The following LY96 variants were observed in gnomAD, a reference collection of about 807,000 sequenced individuals.
LY96 encodes the protein myeloid differentiation protein-2.
In LY96, 18 loss-of-function variants were observed where a neutral mutation model predicts 18.9. The observed-to-expected ratio is 0.95, with a 90% CI of 0.66 to 1.41. The LOEUF (loss-of-function observed/expected upper bound fraction) is 1.41, where lower values mean the gene tolerates loss of function less well. LY96 is among the 40% of genes most tolerant of loss of function. LY96 has a pLI of 0.00. For synonymous variants in LY96, 66 were observed against 62.6 expected (o/e 1.06, Z -0.26); for missense variants, 175 against 182.4 (o/e 0.96, Z 0.23).
chr8:74,069,102 T>C, the LY96 span, among the ~76,000 whole-genome samples: 1 of 152,208 alleles, frequency 6.6e-6, no homozygotes, highest in South Asian at 2.1e-4. Flanking sequence ...TTAATAATCT[T>C]TAGATATTAT....
chr8:74,008,176 C>T (rs994271020), intron 2 of LY96, among the ~76,000 whole-genome samples: 1 of 152,172 alleles, frequency 6.6e-6, no homozygotes, highest in Non-Finnish European at 1.5e-5. Flanking sequence ...CAGTGGTGTC[C>T]AAGGACAAGG....
chr8:74,007,997 A>G (rs1816449932), intron 2 of LY96, among the ~76,000 whole-genome samples: 1 of 152,156 alleles, frequency 6.6e-6, no homozygotes, highest in Admixed American at 6.5e-5. Flanking sequence ...TGACCTCAGG[A>G]GATCTGCCCG....
intron 3 of LY96, among the ~76,000 whole-genome samples, chr8:74,021,717 T>TA (rs1345156500): frequency 1.8e-4 from 27 of 152,286 alleles, no homozygotes; most frequent in African/African-American, 6.3e-4. Flanking sequence ...GTGGCACATA[T>TA]ACACCATGGA....
the LY96 span, among the ~76,000 whole-genome samples, chr8:74,062,838 A>T: frequency 6.6e-6 from 1 of 152,184 alleles, no homozygotes; most frequent in African/African-American, 2.4e-5. Context: ...TTGAAGCTAG[A>T]ATTTGAATTT....
chr8:74,006,424 C>G (rs780669663), intron 2 of LY96, among the ~76,000 whole-genome samples: 3 of 152,174 alleles, frequency 2.0e-5, no homozygotes, highest in Non-Finnish European at 2.9e-5. Context: ...TCTTGAACTC[C>G]TAACCTCAAG....
chr8:74,002,921 C>T (rs1207870606), intron 1 of LY96, among the ~76,000 whole-genome samples: 1 of 152,164 alleles, frequency 6.6e-6, no homozygotes, highest in Non-Finnish European at 1.5e-5. Flanking sequence ...TTTCTTTCTT[C>T]TTGTTGAAAT....
the LY96 span, among the ~76,000 whole-genome samples, chr8:74,054,577 C>T: frequency 9.3e-6 from 1 of 107,724 alleles, no homozygotes; most frequent in African/African-American, 3.7e-5. Context: ...CCCTCCCTCC[C>T]CCCTCCCTCC....
intron 3 of LY96, among the ~76,000 whole-genome samples, chr8:74,024,296 C>G (rs561643324): frequency 6.6e-6 from 1 of 151,080 alleles, no homozygotes; most frequent in Non-Finnish European, 1.5e-5. Context: ...GATAAATACT[C>G]TCAAAGAAAC....
downstream of LY96, among the ~76,000 whole-genome samples, chr8:74,029,807 C>T (rs1035289481): frequency 1.3e-5 from 2 of 152,118 alleles, no homozygotes; most frequent in Admixed American, 6.6e-5. Context: ...TTACAGGCAC[C>T]TGCCATCACA....
At chr8:74,067,948 C>T in the LY96 span, among the ~76,000 whole-genome samples, 1 of 150,192 alleles carries the variant, frequency 6.7e-6, no homozygotes, top group African/African-American at 2.5e-5. Context: ...GTAATCCCAG[C>T]TACTAGGGAG....
intron 1 of LY96, among the ~76,000 whole-genome samples, chr8:73,992,632 G>C (rs1401172141): frequency 6.6e-6 from 1 of 152,120 alleles, no homozygotes; most frequent in Non-Finnish European, 1.5e-5. Context: ...CACATGTGAG[G>C]AGGAGACTTA....
intron 3 of LY96, among the ~76,000 whole-genome samples, chr8:74,016,394 G>A (rs1016965093): frequency 1.3e-5 from 2 of 152,226 alleles, no homozygotes; most frequent in African/African-American, 2.4e-5. Flanking sequence ...ACAGCTCAAC[G>A]AGGCCTGCCT....
chr8:74,039,398 G>A, the LY96 span, among the ~76,000 whole-genome samples: 1 of 152,068 alleles, frequency 6.6e-6, no homozygotes, highest in Non-Finnish European at 1.5e-5. Context: ...GCCCTAGGGG[G>A]GTTAATGGGT....
At chr8:74,061,108 G>C in the LY96 span, among the ~76,000 whole-genome samples, 9 of 152,202 alleles carry the variant, frequency 5.9e-5, no homozygotes, top group Non-Finnish European at 1.3e-4. Context: ...GATCTGGCCT[G>C]CTCCCTTCTC....
intron 1 of LY96, among the ~76,000 whole-genome samples, chr8:74,002,006 TCTTCCTTCCTTCCTTCCTTC>T (rs1222416498): frequency 0.018 from 439 of 24,108 alleles, 31 homozygotes; most frequent in African/African-American, 0.039. Context: ...TTTCTTCCTT[TCTTCCTTCCTTCCTTCCTTC>T]CTTCCTTCCT....
At chr8:74,054,676 T>TTTCTTTC in the LY96 span, among the ~76,000 whole-genome samples, 28 of 65,346 alleles carry the variant, frequency 4.3e-4, no homozygotes, top group East Asian at 9.7e-3. Flanking sequence ...TTCTTTCTTT[T>TTTCTTTC]TATTTGAGAT....
chr8:74,057,221 G>C, the LY96 span, among the ~76,000 whole-genome samples: 5 of 152,058 alleles, frequency 3.3e-5, no homozygotes, highest in African/African-American at 4.8e-5. Flanking sequence ...TTGAACATGC[G>C]TATCTCCTCA....
At chr8:74,016,393 C>G (rs971291987) in intron 3 of LY96, among the ~76,000 whole-genome samples, 13 of 152,220 alleles carry the variant, frequency 8.5e-5, no homozygotes, top group African/African-American at 9.6e-5. Context: ...CACAGCTCAA[C>G]GAGGCCTGCC....
intron 1 of LY96, among the ~76,000 whole-genome samples, chr8:73,993,728 C>T (rs1335152261): frequency 6.6e-6 from 1 of 152,148 alleles, no homozygotes; most frequent in Non-Finnish European, 1.5e-5. Context: ...CAGGCGTGAG[C>T]CACCGCAGCT....
Sources: gnomAD v4.1 joint callset for allele counts (sites outside exome capture counted in the v4.1 genomes callset) on GRCh38, gnomAD v4.1.1 for gene constraint, MANE v1.5 for transcripts, NCBI Gene and HGNC (gene_info 2026-07-23, HGNC 2026-07-21) for gene names.